The following SMC6 variants were observed in gnomAD, a reference collection of about 807,000 sequenced individuals.
SMC6 encodes structural maintenance of chromosomes 6, also known as structural maintenance of chromosomes protein 6.
In SMC6, 79 loss-of-function variants were observed where a neutral mutation model predicts 142.2. The ratio of observed to expected loss-of-function variants is 0.56; its 90% CI spans 0.46 to 0.67. SMC6 has a LOEUF of 0.67. Among genes scored for constraint, SMC6 ranks in the 30% least tolerant of loss-of-function variants. SMC6 has a pLI of 0.00. For synonymous variants in SMC6, 411 were observed against 412.4 expected, an observed-to-expected ratio of 1.00 and a Z score of 0.04; for missense variants, 1,072 against 1,284.0, an observed-to-expected ratio of 0.83 and a Z score of 2.52.
At chr2:17,677,749 G>C (rs971238920) in intron 25 of SMC6, among the ~76,000 whole-genome samples, 1 of 152,022 alleles carries the variant, frequency 6.6e-6, no homozygotes, top group Admixed American at 6.6e-5. Flanking sequence ...TAATAAATGG[G>C]TCTTTTAAAA....
Position 17,738,099 on chromosome 2 carries a change from C to T in SMC6, c.344+122G>A, listed in dbSNP as rs150829122. 1.0e-3 allele frequency: 636 copies of T among 636,530 alleles called. 4 individuals are homozygous for T. Among genetic ancestry groups the T allele is most frequent in the African/African-American group, 9.5e-3 (512 of 54,124 alleles). 39.4% of individuals were successfully genotyped at this position (636,530 alleles called of 1,614,324 possible). A position where few individuals can be genotyped will look rare whatever the true frequency, so the allele number is the denominator to read the frequency against. On this transcript the variant is annotated intron_variant, in intron 5 of 27. Coordinates refer to ENST00000448223, the MANE Select transcript of SMC6 (RefSeq NM_001142286.2). The stretch of plus-strand genomic sequence containing the variant: ...AAAAGAAAGGAATGAAAAAATAGGA[C>T]ACCTCTGCTCCTGTTCTGGGAAGGC...
rs139843610 is a variant in SMC6, at chr2:17,703,802, T to C, written c.2007-510A>G. ...ACTGTATGGTATCATATACTGTATT[T>C]GTAGTATATTGTATAATATACTGTA... On this transcript the variant is annotated intron_variant, in intron 18 of 27. Coordinates refer to ENST00000448223, the MANE Select transcript of SMC6 (RefSeq NM_001142286.2). Among the ~76,000 whole-genome samples the C allele has an allele frequency of 4.8e-3, 737 of 152,272 alleles. 4 individuals are homozygous for C. The highest frequency in any genetic ancestry group is 0.016 in the African/African-American group (684 of 41,564).
At chr2:17,676,769 T>C (rs1346440136) in intron 25 of SMC6, among the ~76,000 whole-genome samples, 1 of 152,184 alleles carries the variant, frequency 6.6e-6, no homozygotes, top group Non-Finnish European at 1.5e-5. Flanking sequence ...TAAATATCTC[T>C]GGCAGATTTT....
At chr2:17,684,429 T>C (rs1667359360) in intron 23 of SMC6, among the ~76,000 whole-genome samples, 2 of 151,802 alleles carry the variant, frequency 1.3e-5, no homozygotes, top group South Asian at 2.1e-4. Flanking sequence ...ATGGGGAAAA[T>C]ATGAAAAAGA....
chr2:17,739,204 G>T (rs1670304766), intron 4 of SMC6, among the ~76,000 whole-genome samples: 1 of 152,066 alleles, frequency 6.6e-6, no homozygotes, highest in Non-Finnish European at 1.5e-5. Flanking sequence ...TACCCTAACA[G>T]ATCTAAAATA....
rs114257231 is a variant in SMC6, at chr2:17,741,572, G to A, written c.238+40C>T. On this transcript the variant is annotated intron_variant, in intron 4 of 27. Transcript: ENST00000448223. The stretch of plus-strand genomic sequence containing the variant: ...AAAGTTAACGTACTCTAATCTCAAA[G>A]TACTGCTCAAAGTCAAACGAGAAGG... The A allele has an allele frequency of 8.8e-3, 11,487 of 1,309,528 alleles. 71 individuals carry two copies. The highest frequency in any genetic ancestry group is 0.015 in the Middle Eastern group (81 of 5,318). The allele number at this position is 1,309,528 out of a possible 1,614,324, so 81.1% of individuals were successfully genotyped here. A position where few individuals can be genotyped will look rare whatever the true frequency, so the allele number is the denominator to read the frequency against.
intron 2 of SMC6, among the ~76,000 whole-genome samples, chr2:17,748,774 T>C (rs942968800): frequency 2.0e-5 from 3 of 152,182 alleles, no homozygotes; most frequent in African/African-American, 7.2e-5. Flanking sequence ...TTTAATGCCC[T>C]TTTAGAAACT....
intron 8 of SMC6, 48 bp downstream of exon 8, chr2:17,726,341 A>C: frequency 1.4e-6 from 2 of 1,450,088 alleles, no homozygotes; most frequent in Non-Finnish European, 1.9e-6. Context: ...CAATATGCCT[A>C]AAGGTATTCT....
chr2:17,741,127 G>C (rs1447307202), intron 4 of SMC6, among the ~76,000 whole-genome samples: 3 of 152,164 alleles, frequency 2.0e-5, no homozygotes, highest in Non-Finnish European at 4.4e-5. Context: ...TCTTTGCCTG[G>C]AACATCTCAG....
At chr2:17,718,265 TAG>T in intron 11 of SMC6, 42 bp from the exon 12 acceptor site, 1 of 1,414,928 alleles carries the variant, frequency 7.1e-7, no homozygotes. Flanking sequence ...TTTTCTTCAA[TAG>T]AGAGAATTTT....
chr2:17,725,285 G>T lies in SMC6; in HGVS notation c.698C>A (p.Thr233Lys). Residue 233 changes from threonine to lysine, a missense_variant, in exon 9 of 28, where the codon ACA becomes AAA. By Grantham distance (78) the Thr-to-Lys change is moderately conservative. Transcript: ENST00000448223. ...YSYIMETKER[T>K]KEQIHQGEER... ...TTCTCCTTGATGTATCTGCTCCTTT[G>T]TTCTTTCTTTCGTTTCCATAATGTA... The T allele has an allele frequency of 6.2e-7, 1 of 1,607,100 alleles. No homozygotes were observed. Among genetic ancestry groups the T allele is most frequent in the South Asian group, 1.1e-5 (1 of 89,750 alleles).
chr2:17,708,772 G>GT lies in SMC6; in HGVS notation c.1731-20_1731-19insA. On this transcript the variant is annotated intron_variant, in intron 16 of 27. Coordinates refer to ENST00000448223, the MANE Select transcript of SMC6 (RefSeq NM_001142286.2). ...AGCAGCTCTAGGAGACAAAAATACA[G>GT]AAGGATTAACTTAGCAAATTTTAAT... The GT allele has an allele frequency of 7.3e-7, 1 of 1,374,818 alleles. No homozygotes were observed. Among genetic ancestry groups the GT allele is most frequent in the Non-Finnish European group, 9.7e-7 (1 of 1,033,476 alleles). The allele number at this position is 1,374,818 out of a possible 1,614,324, so 85.2% of individuals were successfully genotyped here.
chr2:17,694,476 C>T (rs1667898084), intron 23 of SMC6, among the ~76,000 whole-genome samples: 1 of 152,080 alleles, frequency 6.6e-6, no homozygotes, highest in African/African-American at 2.4e-5. Flanking sequence ...ATTAGGTGGT[C>T]AATTAAAATT....
chr2:17,745,708 C>T, intron 3 of SMC6, 119 bp downstream of exon 3: 1 of 1,088,100 alleles, frequency 9.2e-7, no homozygotes, highest in Non-Finnish European at 1.2e-6. Context: ...ACAGATTTTA[C>T]CTCAACTTTT....
chr2:17,718,189 T>A lies in SMC6; in HGVS notation c.980A>T (p.Asp327Val). Reference protein sequence around the residue: ...RLNEAEQKYKDIQDKLEKISE... With the variant: ...RLNEAEQKYKVIQDKLEKISE... ...AATCTTTTCTAGTTTGTCTTGAATATCCTTGTACTTTTGTTCTGCCTCATT... is the reference window on the plus strand; with the variant it reads ...AATCTTTTCTAGTTTGTCTTGAATAACCTTGTACTTTTGTTCTGCCTCATT... The change falls in exon 12 of 28, where the codon GAT becomes GTT. Residue 327 changes from aspartate to valine, a missense_variant. Coordinates refer to ENST00000448223, the MANE Select transcript of SMC6 (RefSeq NM_001142286.2). 1 of 1,607,348 alleles carries A rather than the reference T, an allele frequency of 6.2e-7. No individual in the cohort carries two copies. Among genetic ancestry groups the A allele is most frequent in the Non-Finnish European group, 8.5e-7 (1 of 1,176,312 alleles).
chr2:17,711,930 T>C (rs1668845432), intron 16 of SMC6, among the ~76,000 whole-genome samples: 1 of 152,164 alleles, frequency 6.6e-6, no homozygotes, highest in Non-Finnish European at 1.5e-5. Flanking sequence ...AAATTTGGTG[T>C]ATTTTTAATT....
chr2:17,680,519 C>T (rs994221025), intron 24 of SMC6: 1 of 152,126 alleles, frequency 6.6e-6, no homozygotes, highest in Non-Finnish European at 1.5e-5. Context: ...TATGGTCTTA[C>T]AAAATATATT....
At chr2:17,696,554 T>C (rs1230197084) in intron 21 of SMC6, 128 bp from the exon 22 acceptor site, 3 of 891,724 alleles carry the variant, frequency 3.4e-6, no homozygotes, top group South Asian at 1.6e-5. Flanking sequence ...ATTATATCCA[T>C]ATGTGTCTGA....
intron 19 of SMC6, among the ~76,000 whole-genome samples, chr2:17,702,907 C>T (rs7562887): frequency 0.51 from 77,920 of 152,016 alleles, 22,673 homozygotes; most frequent in African/African-American, 0.78. Flanking sequence ...GTCTTGGGTA[C>T]GTCTTTATCA....
Sources: allele counts gnomAD v4.1 joint callset (sites outside exome capture counted in the v4.1 genomes callset), GRCh38; gene constraint gnomAD v4.1.1; transcripts MANE v1.5; gene names NCBI Gene and HGNC (gene_info 2026-07-23, HGNC 2026-07-21).